Variants in TBPL2 observed in about 807,000 individuals in gnomAD.
TBPL2 encodes TATA box-binding protein-like 2.
TBPL2 carries 40 observed loss-of-function variants against 38.2 expected under a neutral mutation model. The ratio of observed to expected loss-of-function variants is 1.05; its 90% CI spans 0.81 to 1.36. The LOEUF (loss-of-function observed/expected upper bound fraction) is 1.36. Ranked by LOEUF, TBPL2 falls within the 40% of genes most tolerant of loss-of-function variation. TBPL2 has a pLI of 0.00. For missense variants in TBPL2, 461 were observed against 456.7 expected, an observed-to-expected ratio of 1.01 and a Z score of -0.09; for synonymous variants, 169 against 171.7, an observed-to-expected ratio of 0.98 and a Z score of 0.12.
intron 6 of TBPL2, among the ~76,000 whole-genome samples, chr14:55,418,846 A>C (rs1055126444): frequency 6.6e-6 from 1 of 152,214 alleles, no homozygotes; most frequent in Non-Finnish European, 1.5e-5. Flanking sequence ...TGTTTTCACT[A>C]AGATAATAAT....
chr14:55,435,745 T>G (rs1886001967), intron 3 of TBPL2, 102 bp downstream of exon 3: 2 of 894,184 alleles, frequency 2.2e-6, no homozygotes, highest in East Asian at 6.2e-5. Flanking sequence ...CAGTAACAAT[T>G]TTTTAAGAAA....
At chr14:55,436,637 A>C in exon 2 of TBPL2, 1 of 1,614,230 alleles carries the variant, frequency 6.2e-7, no homozygotes, top group Non-Finnish European at 8.5e-7. Flanking sequence ...GCCAGAGACA[A>C]GGAGTCGGAG....
chr14:55,417,271 G>T (rs147913961), intron 6 of TBPL2, among the ~76,000 whole-genome samples: 2 of 152,052 alleles, frequency 1.3e-5, no homozygotes, highest in African/African-American at 4.8e-5. Context: ...AACATTGCCA[G>T]TATTTGTAAC....
chr14:55,433,819 G>A lies in TBPL2; in HGVS notation c.697-98C>T, dbSNP rs137984034. The stretch of plus-strand genomic sequence containing the variant: ...GAATATGAAAATCTCAAACAGATTG[G>A]ATGGGAAAACTAAATGTCTGGGTCT... On this transcript the variant is annotated intron_variant, in intron 3 of 6. Coordinates refer to ENST00000247219, the Ensembl canonical transcript of TBPL2. 6.5e-4 allele frequency: 680 copies of A among 1,051,250 alleles called. 6 individuals are homozygous for A. The South Asian group carries it at 0.011, about 17-fold the overall frequency. 65.1% of individuals were successfully genotyped at this position (1,051,250 alleles called of 1,614,324 possible).
intron 4 of TBPL2, among the ~76,000 whole-genome samples, chr14:55,430,541 G>C (rs557339778): frequency 6.6e-6 from 1 of 151,968 alleles, no homozygotes; most frequent in Non-Finnish European, 1.5e-5. Context: ...TAAGTAGCCT[G>C]CAGGGGCATG....
chr14:55,440,536 C>T (rs1886095932), exon 1 of TBPL2: 1 of 1,604,262 alleles, frequency 6.2e-7, no homozygotes, highest in Non-Finnish European at 8.5e-7. Context: ...GGCCAGGGCG[C>T]AGAGGCCATT....
At chr14:55,433,835 G>A in intron 3 of TBPL2, 114 bp from the exon 4 acceptor site, 2 of 851,958 alleles carry the variant, frequency 2.3e-6, no homozygotes, top group Non-Finnish European at 3.6e-6. Flanking sequence ...AAAACTAAAT[G>A]TCTGGGTCTT....
At chr14:55,428,589 G>T (rs1379184747) in intron 5 of TBPL2, among the ~76,000 whole-genome samples, 1 of 152,118 alleles carries the variant, frequency 6.6e-6, no homozygotes, top group Non-Finnish European at 1.5e-5. Flanking sequence ...CTAAGTGATT[G>T]CTAAGCAATG....
intron 6 of TBPL2, among the ~76,000 whole-genome samples, chr14:55,418,348 C>A (rs746752084): frequency 7.9e-5 from 12 of 152,162 alleles, no homozygotes; most frequent in Non-Finnish European, 1.6e-4. Flanking sequence ...TTAGTCAGCT[C>A]CAAATATCAA....
chr14:55,429,824 CA>C (rs370330610), intron 4 of TBPL2, among the ~76,000 whole-genome samples: 14 of 129,640 alleles, frequency 1.1e-4, no homozygotes, highest in Non-Finnish European at 1.2e-4. Flanking sequence ...CACATGCATA[CA>C]AAAAAAAATC....
At position 55,424,171 on chromosome 14, in the gene TBPL2, CT is replaced by C; in HGVS notation, c.1038del (p.Val347LeufsTer3). On this transcript the variant is annotated frameshift_variant, in exon 6 of 7. Coordinates refer to ENST00000247219, the Ensembl canonical transcript of TBPL2. LOFTEE classifies it high-confidence loss of function. ...TCTTAGCACTTACCTGTCAACACAACTTTTCCAGATACAAAGATAAGCAACA... is the reference window on the plus strand; with the variant it reads ...TCTTAGCACTTACCTGTCAACACAACTTTCCAGATACAAAGATAAGCAACA... 1 of 1,612,466 alleles carries C rather than the reference CT, an allele frequency of 6.2e-7. No individual in the cohort carries two copies. The highest frequency in any genetic ancestry group is 8.5e-7 in the Non-Finnish European group (1 of 1,178,922).
At chr14:55,433,595 T>G (rs1447760579) in intron 4 of TBPL2, 35 bp downstream of exon 4, 1 of 1,576,822 alleles carries the variant, frequency 6.3e-7, no homozygotes, top group Non-Finnish European at 8.7e-7. Flanking sequence ...ACTAAATTGT[T>G]TCTCTGGTAG....
intron 5 of TBPL2, 69 bp downstream of exon 5, chr14:55,428,738 C>A: frequency 6.9e-7 from 1 of 1,452,074 alleles, no homozygotes; most frequent in Non-Finnish European, 9.3e-7. Flanking sequence ...AGATACTTTA[C>A]GTAAGCAACC....
chr14:55,431,219 A>C (rs976519476), intron 4 of TBPL2, among the ~76,000 whole-genome samples: 1 of 152,244 alleles, frequency 6.6e-6, no homozygotes, highest in African/African-American at 2.4e-5. Context: ...CTCACTATCC[A>C]AAACTTCAAA....
intron 1 of TBPL2, among the ~76,000 whole-genome samples, chr14:55,437,391 T>A (rs963899914): frequency 1.3e-5 from 2 of 152,208 alleles, no homozygotes; most frequent in African/African-American, 4.8e-5. Flanking sequence ...GGCATGAGAA[T>A]CTCTTGAACC....
chr14:55,428,482 C>T (rs1885868856), intron 5 of TBPL2, among the ~76,000 whole-genome samples: 1 of 152,070 alleles, frequency 6.6e-6, no homozygotes, highest in African/African-American at 2.4e-5. Flanking sequence ...GGGCCTCTGA[C>T]CAGTAGCACT....
intron 5 of TBPL2, among the ~76,000 whole-genome samples, chr14:55,428,501 C>T (rs1885869074): frequency 6.6e-6 from 1 of 152,100 alleles, no homozygotes; most frequent in African/African-American, 2.4e-5. Flanking sequence ...CTGTCATCAC[C>T]TTTGAGCTTT....
chr14:55,433,853 T>C, intron 3 of TBPL2, 132 bp from the exon 4 acceptor site: 2 of 662,400 alleles, frequency 3.0e-6, no homozygotes, highest in East Asian at 2.7e-5. Flanking sequence ...CTTTTCTCCC[T>C]ACATTAAGGT....
chr14:55,419,199 A>G (rs952747577), intron 6 of TBPL2, among the ~76,000 whole-genome samples: 4 of 152,248 alleles, frequency 2.6e-5, no homozygotes, highest in Admixed American at 1.3e-4. Flanking sequence ...CTGGCTCCTC[A>G]CATGCCTGTT....
Sources: gnomAD v4.1 joint callset for allele counts (sites outside exome capture counted in the v4.1 genomes callset) on GRCh38, gnomAD v4.1.1 for gene constraint, MANE v1.5 for transcripts, NCBI Gene and HGNC (gene_info 2026-07-23, HGNC 2026-07-21) for gene names.